The following TIMM13 variants were observed in gnomAD, a reference collection of about 807,000 sequenced individuals.
TIMM13 encodes the protein mitochondrial import inner membrane translocase subunit Tim13.
A neutral mutation model predicts 10.9 loss-of-function variants in TIMM13; 8 were observed. That is an observed-to-expected ratio of 0.73 (90% CI 0.43 to 1.32). The LOEUF (loss-of-function observed/expected upper bound fraction) is 1.32, where lower values mean the gene tolerates loss of function less well. TIMM13 is among the 40% of genes most tolerant of loss of function. TIMM13 has a pLI of 0.01. For synonymous variants in TIMM13, 68 were observed against 52.5 expected (o/e 1.30, Z -1.28); for missense variants, 147 against 132.8 (o/e 1.11, Z -0.53).
rs1182701079 is a variant in TIMM13, at chr19:2,426,867, C to A, written c.*81G>T. 6 of 1,372,712 alleles carry A rather than the reference C, an allele frequency of 4.4e-6. No individual in the cohort carries two copies. The South Asian group carries it at 5.0e-5, about 11-fold the overall frequency. 85.0% of individuals were successfully genotyped at this position (1,372,712 alleles called of 1,614,324 possible). The stretch of plus-strand genomic sequence containing the variant: ...CGGTGCCACCCTCCTAAGCCCCGGG[C>A]AGGCAGTACGTACATGCGGACCCCG... On this transcript the variant is annotated 3_prime_UTR_variant, in exon 3 of 3. Coordinates refer to ENST00000215570, the MANE Select transcript of TIMM13 (RefSeq NM_012458.4).
chr19:2,427,364 C>G (rs781403310), intron 1 of TIMM13, 40 bp from the exon 2 acceptor site: 1 of 1,612,380 alleles, frequency 6.2e-7, no homozygotes, highest in South Asian at 1.1e-5. Context: ...ACGTCGGCCC[C>G]CAGGGGTGGC....
In TIMM13 at chr19:2,427,525, G is replaced by A. The variant is rs1313536986; in HGVS notation, c.9C>T (p.Gly3=). 7 of 1,603,792 alleles carry A rather than the reference G, an allele frequency of 4.4e-6. No individual in the cohort carries two copies. The highest frequency in any genetic ancestry group is 2.2e-5 in the South Asian group (2 of 90,332). The change falls in exon 1 of 3, where the codon GGC becomes GGT. Residue 3 remains glycine, a synonymous_variant. Coordinates refer to ENST00000215570, the MANE Select transcript of TIMM13 (RefSeq NM_012458.4). ...AGCCCCCGAAATCGGAGCCGAAGCC[G>A]CCCTCCATGGCTCCGCAAAGTCAAC... ME[G]GFGSDFGGSG... is the part of the protein sequence containing the mutation.
Position 2,426,521 on chromosome 19 carries a change from C to T in TIMM13, c.*427G>A, listed in dbSNP as rs188260995. ...GCTGGGGTTCCAGGGACACGCGTCACCTCTTCCCAGAGACCCCTCAGGAGG... is the reference window on the plus strand; with the variant it reads ...GCTGGGGTTCCAGGGACACGCGTCATCTCTTCCCAGAGACCCCTCAGGAGG... On this transcript the variant is annotated 3_prime_UTR_variant, in exon 3 of 3. Coordinates refer to ENST00000215570, the MANE Select transcript of TIMM13 (RefSeq NM_012458.4). 7.3e-4 allele frequency: 212 copies of T among 292,300 alleles called. 1 individual carries two copies. The highest frequency in any genetic ancestry group is 4.2e-3 in the African/African-American group (188 of 45,000). The allele number at this position is 292,300 out of a possible 1,614,324, so 18.1% of individuals were successfully genotyped here. A position where few individuals can be genotyped will look rare whatever the true frequency, so the allele number is the denominator to read the frequency against.
rs778962047 is a variant in TIMM13 at position 2,427,237 on chromosome 19, G to A, written c.189+19C>T. 5 of 1,611,890 alleles carry A rather than the reference G, an allele frequency of 3.1e-6. No individual in the cohort carries two copies. The highest frequency in any genetic ancestry group is 2.2e-5 in the South Asian group (2 of 90,996). ...TCTAGGCCCTCGCGACCCTTGCCCC[G>A]AACCTCCGCGGGTCTCACCTGCTCG... On this transcript the variant is annotated intron_variant, in intron 2 of 2. Coordinates refer to ENST00000215570, the MANE Select transcript of TIMM13 (RefSeq NM_012458.4).
chr19:2,427,428 G>A lies in TIMM13; in HGVS notation c.106C>T (p.Gln36Ter), dbSNP rs1193634723. 1.2e-6 allele frequency: 2 copies of A among 1,612,774 alleles called. No homozygotes were observed. The highest frequency in any genetic ancestry group is 4.5e-5 in the East Asian group (2 of 44,864). Residue 36 changes from glutamine to a stop codon, truncating the protein, a stop_gained, in exon 1 of 3, where the codon CAG becomes TAG. Coordinates refer to ENST00000215570, the MANE Select transcript of TIMM13 (RefSeq NM_012458.4). LOFTEE classifies it high-confidence loss of function. ...VKVQIAVANA[Q>*]ELLQRMTDKC... ...CAGCCCCGCACCTGCAGCAGCTCCTGCGCGTTGGCCACGGCGATCTGCACT... is the reference window on the plus strand; with the variant it reads ...CAGCCCCGCACCTGCAGCAGCTCCTACGCGTTGGCCACGGCGATCTGCACT...
In TIMM13 at chr19:2,425,755, G is replaced by A. The variant is rs1856002515; in HGVS notation, c.*1193C>T. 3.4e-6 allele frequency: 4 copies of A among 1,165,118 alleles called. No individual in the cohort carries two copies. Among genetic ancestry groups the A allele is most frequent in the Non-Finnish European group, 4.7e-6 (4 of 859,440 alleles). The allele number at this position is 1,165,118 out of a possible 1,614,324, so 72.2% of individuals were successfully genotyped here. A position where few individuals can be genotyped will look rare whatever the true frequency, so the allele number is the denominator to read the frequency against. Reference sequence around the variant, plus strand: ...AGGCACCGTTCCACTCCGGGACCACGTGGCGGGTGTCCATAAATGTCTGCC... The same window carrying A: ...AGGCACCGTTCCACTCCGGGACCACATGGCGGGTGTCCATAAATGTCTGCC... On this transcript the variant is annotated 3_prime_UTR_variant, in exon 3 of 3. Coordinates refer to ENST00000215570, the MANE Select transcript of TIMM13 (RefSeq NM_012458.4).
At position 2,427,429 on chromosome 19, in the gene TIMM13, C is replaced by A. The variant is rs773042497; in HGVS notation, c.105G>T (p.Ala35=). The A allele has an allele frequency of 8.1e-6, 13 of 1,612,754 alleles. No individual in the cohort carries two copies. Among genetic ancestry groups the A allele is most frequent in the Non-Finnish European group, 1.0e-5 (12 of 1,179,680 alleles). ...QVKVQIAVAN[A]QELLQRMTDK... ...AGCCCCGCACCTGCAGCAGCTCCTG[C>A]GCGTTGGCCACGGCGATCTGCACTT... Residue 35 remains alanine (A), a synonymous_variant, in exon 1 of 3, where the codon GCG becomes GCT. Transcript: ENST00000215570.
In TIMM13 at chr19:2,426,050, G is replaced by C. The variant is rs757317254; in HGVS notation, c.*898C>G. 6.2e-7 allele frequency: 1 copy of C among 1,609,594 alleles called. No individual in the cohort carries two copies. The highest frequency in any genetic ancestry group is 1.7e-5 in the Admixed American group (1 of 59,352). On this transcript the variant is annotated 3_prime_UTR_variant, in exon 3 of 3. Transcript: ENST00000215570. Reference sequence around the variant, plus strand: ...CCCAGGTGTCTATACCCGGGTGGCAGCTGTGAGAGGCTGGATAGGACAGCA... The same window carrying C: ...CCCAGGTGTCTATACCCGGGTGGCACCTGTGAGAGGCTGGATAGGACAGCA...
In TIMM13 at chr19:2,427,523, C is replaced by G; in HGVS notation, c.11G>C (p.Gly4Ala). MEGGFGSDFGGSGS... is the reference protein window; with the variant it reads MEGAFGSDFGGSGS... ...GGAGCCCCCGAAATCGGAGCCGAAG[C>G]CGCCCTCCATGGCTCCGCAAAGTCA... The change falls in exon 1 of 3, where the codon GGC becomes GCC. Residue 4 changes from glycine to alanine, a missense_variant. Gly to Ala is a moderately conservative substitution (Grantham distance 60, BLOSUM62 0). Transcript: ENST00000215570. The G allele has an allele frequency of 6.2e-7, 1 of 1,606,160 alleles. No homozygotes were observed. The highest frequency in any genetic ancestry group is 8.5e-7 in the Non-Finnish European group (1 of 1,177,048).
chr19:2,426,741 C>T lies in TIMM13; in HGVS notation c.*207G>A, dbSNP rs1316787776. The T allele has an allele frequency of 1.6e-6, 1 of 615,150 alleles. No homozygotes were observed. The allele number at this position is 615,150 out of a possible 1,614,324, so 38.1% of individuals were successfully genotyped here. ...AGGTGCCACTGGGCTGCCAGCACTT[C>T]AGGAAGGCACAGGGCCCCACACCCC... On this transcript the variant is annotated 3_prime_UTR_variant, in exon 3 of 3. Transcript: ENST00000215570.
rs979489284 is a variant in TIMM13 at position 2,426,899 on chromosome 19, A to G, written c.*49T>C. The G allele has an allele frequency of 1.3e-6, 2 of 1,537,232 alleles. No individual in the cohort carries two copies. Among genetic ancestry groups the G allele is most frequent in the Non-Finnish European group, 1.8e-6 (2 of 1,136,240 alleles). Reference sequence around the variant, plus strand: ...TACGTACATGCGGACCCCGCCTCTCAAAGCACGTTTATGGAAATGAACAGG... The same window carrying G: ...TACGTACATGCGGACCCCGCCTCTCGAAGCACGTTTATGGAAATGAACAGG... On this transcript the variant is annotated 3_prime_UTR_variant, in exon 3 of 3. Transcript: ENST00000215570.
chr19:2,425,999 G>C lies in TIMM13; in HGVS notation c.*949C>G. Reference sequence around the variant, plus strand: ...GGTGCTAACTGGGGTCACTAGCTGGGGCTATGGCTGTGGCCGGCCCCACTT... The same window carrying C: ...GGTGCTAACTGGGGTCACTAGCTGGCGCTATGGCTGTGGCCGGCCCCACTT... On this transcript the variant is annotated 3_prime_UTR_variant, in exon 3 of 3. Coordinates refer to ENST00000215570, the MANE Select transcript of TIMM13 (RefSeq NM_012458.4). The C allele has an allele frequency of 1.2e-6, 2 of 1,607,402 alleles. No homozygotes were observed. Among genetic ancestry groups the C allele is most frequent in the Non-Finnish European group, 1.7e-6 (2 of 1,177,802 alleles).
chr19:2,426,109 C>T lies in TIMM13; in HGVS notation c.*839G>A, dbSNP rs370039572. The stretch of plus-strand genomic sequence containing the variant: ...AGTGACCACCACGTGACTGCCCAGG[C>T]CGAGACTCTACGTGAAAGCAACAGG... On this transcript the variant is annotated 3_prime_UTR_variant, in exon 3 of 3. Transcript: ENST00000215570. 3.1e-6 allele frequency: 5 copies of T among 1,594,010 alleles called. No individual in the cohort carries two copies. The highest frequency in any genetic ancestry group is 1.8e-5 in the Admixed American group (1 of 56,052).
chr19:2,426,795 G>C lies in TIMM13; in HGVS notation c.*153C>G. On this transcript the variant is annotated 3_prime_UTR_variant, in exon 3 of 3. Coordinates refer to ENST00000215570, the MANE Select transcript of TIMM13 (RefSeq NM_012458.4). ...GATCCAAGCTGCACTGGCTGGCAGG[G>C]GGCAGGGCGGGGGGTGGCGAGGACA... is the stretch of plus-strand genomic sequence containing the variant. The C allele has an allele frequency of 1.3e-6, 1 of 771,094 alleles. No homozygotes were observed. The highest frequency in any genetic ancestry group is 2.1e-6 in the Non-Finnish European group (1 of 469,186). The allele number at this position is 771,094 out of a possible 1,614,324, so 47.8% of individuals were successfully genotyped here. A position where few individuals can be genotyped will look rare whatever the true frequency, so the allele number is the denominator to read the frequency against.
At position 2,426,923 on chromosome 19, in the gene TIMM13, G is replaced by C. The variant is rs377078875; in HGVS notation, c.*25C>G. 2.8e-5 allele frequency: 43 copies of C among 1,561,222 alleles called. No homozygotes were observed. Among genetic ancestry groups the C allele is most frequent in the African/African-American group, 4.1e-5 (3 of 73,560 alleles). ...CAAAGCACGTTTATGGAAATGAACAGGGTGGGGTGGCCCGCGCTCGCCGGT... is the reference window on the plus strand; with the variant it reads ...CAAAGCACGTTTATGGAAATGAACACGGTGGGGTGGCCCGCGCTCGCCGGT... On this transcript the variant is annotated 3_prime_UTR_variant, in exon 3 of 3. Transcript: ENST00000215570.
Position 2,425,940 on chromosome 19 carries a change from G to A in TIMM13, c.*1008C>T, listed in dbSNP as rs1488543561. On this transcript the variant is annotated 3_prime_UTR_variant, in exon 3 of 3. Transcript: ENST00000215570. ...TCTCCCCAACAGGGTGACGCTGGGG[G>A]ACCCCTGGCCTGCAGGGAGCCCTCT... 6 of 1,596,618 alleles carry A rather than the reference G, an allele frequency of 3.8e-6. No homozygotes were observed. The highest frequency in any genetic ancestry group is 2.3e-5 in the East Asian group (1 of 44,304).
At position 2,426,764 on chromosome 19, in the gene TIMM13, C is replaced by G. The variant is rs1220660998; in HGVS notation, c.*184G>C. Reference sequence around the variant, plus strand: ...TTCAGGAAGGCACAGGGCCCCACACCCCCGAGATCCAAGCTGCACTGGCTG... The same window carrying G: ...TTCAGGAAGGCACAGGGCCCCACACGCCCGAGATCCAAGCTGCACTGGCTG... On this transcript the variant is annotated 3_prime_UTR_variant, in exon 3 of 3. Coordinates refer to ENST00000215570, the MANE Select transcript of TIMM13 (RefSeq NM_012458.4). 1.5e-6 allele frequency: 1 copy of G among 660,952 alleles called. No homozygotes were observed. The highest frequency in any genetic ancestry group is 2.6e-6 in the Non-Finnish European group (1 of 378,784). 40.9% of individuals were successfully genotyped at this position (660,952 alleles called of 1,614,324 possible). A position where few individuals can be genotyped will look rare whatever the true frequency, so the allele number is the denominator to read the frequency against.
chr19:2,427,079 G>C (rs774569552), intron 2 of TIMM13, 33 bp from the exon 3 acceptor site: 13 of 1,599,554 alleles, frequency 8.1e-6, no homozygotes, highest in Non-Finnish European at 6.8e-6. Flanking sequence ...GGCTCAGCTC[G>C]GGACTTCGCG....
rs576383041 is a variant in TIMM13 at position 2,426,911 on chromosome 19, T to C, written c.*37A>G. On this transcript the variant is annotated 3_prime_UTR_variant, in exon 3 of 3. Transcript: ENST00000215570. ...GACCCCGCCTCTCAAAGCACGTTTA[T>C]GGAAATGAACAGGGTGGGGTGGCCC... 4 of 1,550,680 alleles carry C rather than the reference T, an allele frequency of 2.6e-6. No individual in the cohort carries two copies. Among genetic ancestry groups the C allele is most frequent in the East Asian group, 4.8e-5 (2 of 41,296 alleles).
Sources: gnomAD v4.1 joint callset for allele counts on GRCh38, gnomAD v4.1.1 for gene constraint, MANE v1.5 for transcripts, NCBI Gene and HGNC (gene_info 2026-07-23, HGNC 2026-07-21) for gene names.